Variants in SMC6 observed in about 807,000 individuals in gnomAD.
The protein encoded by SMC6 is structural maintenance of chromosomes protein 6.
In SMC6, 79 loss-of-function variants were observed where a neutral mutation model predicts 142.2. The observed-to-expected ratio is 0.56, with a 90% CI of 0.46 to 0.67. The LOEUF (loss-of-function observed/expected upper bound fraction) is 0.67. SMC6 is among the 30% of genes least tolerant of loss of function. SMC6 has a pLI of 0.00. For missense variants in SMC6, 1,072 were observed against 1,284.0 expected (o/e 0.83, Z 2.52); for synonymous variants, 411 against 412.4 (o/e 1.00, Z 0.04).
In SMC6 at chr2:17,683,728, A is replaced by C. The variant is rs1199232527; in HGVS notation, c.2714T>G (p.Leu905Arg). Residue 905 changes from leucine to arginine, a missense_variant, in exon 24 of 28, where the codon CTG (leucine) becomes CGG (arginine). Leu to Arg is a moderately radical substitution (Grantham distance 102, BLOSUM62 -2). Transcript: ENST00000448223. ...TTTTAAAGTCCTCACTTTACTATCCAGATCAAGATAGGTCTCTCTTGCTTC... is the reference window on the plus strand; with the variant it reads ...TTTTAAAGTCCTCACTTTACTATCCCGATCAAGATAGGTCTCTCTTGCTTC... ...YQEARETYLD[L>R]DSKVRTLKKF... 6.2e-7 allele frequency: 1 copy of C among 1,611,280 alleles called. No homozygotes were observed. The highest frequency in any genetic ancestry group is 8.5e-7 in the Non-Finnish European group (1 of 1,178,148).
At chr2:17,700,788 T>C (rs1328769426) in intron 20 of SMC6, among the ~76,000 whole-genome samples, 3 of 152,116 alleles carry the variant, frequency 2.0e-5, no homozygotes, top group East Asian at 3.9e-4. Flanking sequence ...TCCCAGCACT[T>C]TGGGAGGCCG....
intron 21 of SMC6, among the ~76,000 whole-genome samples, chr2:17,699,079 GAAGTA>G (rs1248067510): frequency 6.6e-6 from 1 of 152,000 alleles, no homozygotes; most frequent in Admixed American, 6.6e-5. Flanking sequence ...TAAAACTCAA[GAAGTA>G]AAGTCTATTG....
intron 23 of SMC6, among the ~76,000 whole-genome samples, chr2:17,688,225 C>T (rs931884605): frequency 1.3e-5 from 2 of 151,182 alleles, no homozygotes; most frequent in Non-Finnish European, 2.9e-5. Context: ...GGAACCAGGG[C>T]TCTTTGGAGA....
chr2:17,686,265 T>G (rs1216194760), intron 23 of SMC6, among the ~76,000 whole-genome samples: 1 of 152,058 alleles, frequency 6.6e-6, no homozygotes, highest in Non-Finnish European at 1.5e-5. Flanking sequence ...GAGGATCACT[T>G]GAGGTCAAGA....
intron 26 of SMC6, among the ~76,000 whole-genome samples, chr2:17,667,069 C>T (rs1370690911): frequency 6.6e-6 from 1 of 152,204 alleles, no homozygotes; most frequent in African/African-American, 2.4e-5. Context: ...TTTGTATACA[C>T]AGCCCCCTCC....
rs761147552 is a variant in SMC6 at position 17,714,986 on chromosome 2, A to G, written c.1605T>C (p.Cys535=). Residue 535 remains cysteine (C), a synonymous_variant, in exon 16 of 28, where the codon TGT becomes TGC. Coordinates refer to ENST00000448223, the MANE Select transcript of SMC6 (RefSeq NM_001142286.2). ...SCLKGLLQAY[C]CHNHADERVL... ...CCCTTTCATCAGCATGATTATGGCA[A>G]CAATAGGCCTGCAGAAGCCCTTTTA... is the stretch of plus-strand genomic sequence containing the variant. 1.9e-6 allele frequency: 3 copies of G among 1,614,078 alleles called. No individual in the cohort carries two copies. The highest frequency in any genetic ancestry group is 2.5e-6 in the Non-Finnish European group (3 of 1,179,960).
intron 1 of SMC6, 48 bp from the exon 2 acceptor site, chr2:17,753,112 CAT>C (rs1459398888): frequency 1.4e-6 from 1 of 710,268 alleles, no homozygotes; most frequent in Non-Finnish European, 1.7e-6. Flanking sequence ...CCTTTGAACA[CAT>C]GTTAATTTTT....
rs1317858763 is a variant in SMC6 at position 17,716,164 on chromosome 2, T to G, written c.1447A>C (p.Asn483His). ...KTDRLKRFGP[N>H]VPALLEAIDD... ...ATGGCTTCAAGAAGAGCTGGAACAT[T>G]AGGGCCAAATCTTTTGAGTCGATCA... The change falls in exon 15 of 28, where the codon AAT becomes CAT. Residue 483 changes from asparagine (N) to histidine (H), a missense_variant. By Grantham distance (68) the Asn-to-His change is moderately conservative. Coordinates refer to ENST00000448223, the MANE Select transcript of SMC6 (RefSeq NM_001142286.2). 1 of 1,612,522 alleles carries G rather than the reference T, an allele frequency of 6.2e-7. No individual in the cohort carries two copies. Among genetic ancestry groups the G allele is most frequent in the Non-Finnish European group, 8.5e-7 (1 of 1,179,580 alleles).
At chr2:17,689,606 T>G (rs969007330) in intron 23 of SMC6, among the ~76,000 whole-genome samples, 4 of 152,360 alleles carry the variant, frequency 2.6e-5, no homozygotes, top group Non-Finnish European at 5.9e-5. Context: ...CAATAATGTT[T>G]GAAGTTTTAT....
Position 17,721,270 on chromosome 2 carries a change from A to G in SMC6, c.727-9T>C. The stretch of plus-strand genomic sequence containing the variant: ...TTTAGTTCAGTAAGCCGCTTAAAAA[A>G]AGAAAACAGAACGGACGTATTTTTT... On this transcript the variant is annotated splice_polypyrimidine_tract_variant and intron_variant, in intron 9 of 27. Coordinates refer to ENST00000448223, the MANE Select transcript of SMC6 (RefSeq NM_001142286.2). 1 of 1,564,814 alleles carries G rather than the reference A, an allele frequency of 6.4e-7. No homozygotes were observed. Among genetic ancestry groups the G allele is most frequent in the Non-Finnish European group, 8.6e-7 (1 of 1,164,500 alleles).
chr2:17,735,544 C>T (rs1295521503), intron 5 of SMC6, among the ~76,000 whole-genome samples: 1 of 152,202 alleles, frequency 6.6e-6, no homozygotes, highest in African/African-American at 2.4e-5. Context: ...CCTTGTGCCA[C>T]AGCTGATGTC....
At chr2:17,738,163 A>G in intron 5 of SMC6, 58 bp downstream of exon 5, 1 of 1,292,410 alleles carries the variant, frequency 7.7e-7, no homozygotes, top group Non-Finnish European at 1.1e-6. Context: ...CTGGGAATCT[A>G]AAGTAACTGT....
At position 17,731,668 on chromosome 2, in the gene SMC6, A is replaced by T; in HGVS notation, c.481+73T>A. ...TTACAAGGAAGATAGTTCAATCAAT[A>T]CCAGCAGTCATCTAATTCTTTTTGA... On this transcript the variant is annotated intron_variant, in intron 6 of 27. Coordinates refer to ENST00000448223, the MANE Select transcript of SMC6 (RefSeq NM_001142286.2). 12 of 1,427,954 alleles carry T rather than the reference A, an allele frequency of 8.4e-6. 1 individual carries two copies. The South Asian group carries it at 1.4e-4, about 17-fold the overall frequency. 88.5% of individuals were successfully genotyped at this position (1,427,954 alleles called of 1,614,324 possible).
At chr2:17,737,002 TAC>T (rs1465551370) in intron 5 of SMC6, among the ~76,000 whole-genome samples, 1 of 152,204 alleles carries the variant, frequency 6.6e-6, no homozygotes, top group Non-Finnish European at 1.5e-5. Context: ...AATTTTTTGC[TAC>T]AGACATCATT....
chr2:17,701,853 G>A lies in SMC6; in HGVS notation c.2199C>T (p.His733=). The A allele has an allele frequency of 3.2e-6, 5 of 1,579,050 alleles. No individual in the cohort carries two copies. Among genetic ancestry groups the A allele is most frequent in the Non-Finnish European group, 4.3e-6 (5 of 1,160,100 alleles). Residue 733 remains histidine (H), a synonymous_variant, in exon 20 of 28, where the codon CAC becomes CAT. Transcript: ENST00000448223. Reference sequence around the variant, plus strand: ...CCAAAGTTGCAATATCTACAGACTGGTGTTCTTCTATGTTCTCAAGTTCCC... The same window carrying A: ...CCAAAGTTGCAATATCTACAGACTGATGTTCTTCTATGTTCTCAAGTTCCC... ...EIRELENIEE[H]QSVDIATLED...
rs769850777 is a variant in SMC6 at position 17,714,933 on chromosome 2, T to C, written c.1658A>G (p.Tyr553Cys). ...CGGTGGCCGTGAGGTCCCTGGTAAA[T>C]AAAACCTTTTCATGAGTGCCTGAAG... ...RVLQALMKRF[Y>C]LPGTSRPPII... Residue 553 changes from tyrosine (Y) to cysteine (C), a missense_variant, in exon 16 of 28, where the codon TAT becomes TGT. Physicochemically the swap from Tyr to Cys is radical, Grantham distance 194 (BLOSUM62 -2). Around this residue, in one of 3 missense-constraint regions of SMC6, gnomAD observed 994 missense variants for 1,153.2 expected, o/e 0.86. Transcript: ENST00000448223. 2.5e-6 allele frequency: 4 copies of C among 1,613,792 alleles called. No individual in the cohort carries two copies. The highest frequency in any genetic ancestry group is 3.4e-6 in the Non-Finnish European group (4 of 1,179,906).
Position 17,683,653 on chromosome 2 carries a change from T to C in SMC6, c.2789A>G (p.Tyr930Cys). ...ATGTACTTACCTTCTAAATTGTTGATATGTCTTGAATCTGTGCTCCATGAT... is the reference window on the plus strand; with the variant it reads ...ATGTACTTACCTTCTAAATTGTTGACATGTCTTGAATCTGTGCTCCATGAT... ...GEIMEHRFKT[Y>C]QQFRRCLTLR... is the part of the protein sequence containing the mutation. The change falls in exon 24 of 28, where the codon TAT becomes TGT. Residue 930 changes from tyrosine (Y) to cysteine (C), a missense_variant. By Grantham distance (194) the Tyr-to-Cys change is radical. This residue lies in a region of SMC6 where 994 missense variants were observed against 1,153.2 expected (regional missense o/e 0.86). Coordinates refer to ENST00000448223, the MANE Select transcript of SMC6 (RefSeq NM_001142286.2). 6.2e-7 allele frequency: 1 copy of C among 1,610,882 alleles called. No homozygotes were observed. Among genetic ancestry groups the C allele is most frequent in the Non-Finnish European group, 8.5e-7 (1 of 1,177,942 alleles).
Position 17,717,185 on chromosome 2 carries a change from A to G in SMC6, c.1093-9T>C, listed in dbSNP as rs1669135249. 6.3e-7 allele frequency: 1 copy of G among 1,583,776 alleles called. No individual in the cohort carries two copies. The highest frequency in any genetic ancestry group is 8.6e-7 in the Non-Finnish European group (1 of 1,166,084). ...GATCGGTTATATAAAACCTAACCAA[A>G]AAAATTAGACACACTTTACAAAAAT... is the stretch of plus-strand genomic sequence containing the variant. On this transcript the variant is annotated splice_polypyrimidine_tract_variant and intron_variant, in intron 12 of 27. Transcript: ENST00000448223.
Position 17,738,267 on chromosome 2 carries a change from T to C in SMC6, c.298A>G (p.Thr100Ala). ...CCTTTTAAAGAGGATCCTCTATTAG[T>C]AGCAACTGCTCTTCCACCAAGACCG... is the stretch of plus-strand genomic sequence containing the variant. ...IVGLGGRAVA[T>A]NRGSSLKGFV... Residue 100 changes from threonine to alanine, a missense_variant, in exon 5 of 28, where the codon ACT becomes GCT. Thr to Ala is a moderately conservative substitution (Grantham distance 58). This residue lies in a region of SMC6 where 994 missense variants were observed against 1,153.2 expected (regional missense o/e 0.86). Transcript: ENST00000448223. The C allele has an allele frequency of 6.2e-7, 1 of 1,613,740 alleles. No individual in the cohort carries two copies. The highest frequency in any genetic ancestry group is 8.5e-7 in the Non-Finnish European group (1 of 1,179,934).
Sources: allele counts gnomAD v4.1 joint callset (sites outside exome capture counted in the v4.1 genomes callset), GRCh38; gene constraint gnomAD v4.1.1; regional missense constraint gnomAD v4.1.1; transcripts MANE v1.5; gene names NCBI Gene and HGNC (gene_info 2026-07-23, HGNC 2026-07-21).